SMIM3: variants seen among roughly 807,000 people sequenced by gnomAD.
SMIM3 encodes small integral membrane protein 3.
Under a neutral mutation model 2.1 loss-of-function variants are expected in SMIM3, and 4 were observed. The ratio of observed to expected loss-of-function variants is 1.89; its 90% CI spans 0.93 to 4.31. SMIM3 has a LOEUF of 4.31. Among genes scored for constraint, SMIM3 ranks in the 30% most tolerant of loss-of-function variants. SMIM3 has a pLI of 0.01. For synonymous variants in SMIM3, 29 were observed against 30.8 expected, an observed-to-expected ratio of 0.94 and a Z score of 0.19; for missense variants, 79 against 77.7, an observed-to-expected ratio of 1.02 and a Z score of -0.06.
At position 150,784,208 on chromosome 5, in the gene SMIM3, A is replaced by G. The variant is rs370696778; in HGVS notation, c.-12+5236A>G. On this transcript the variant is annotated intron_variant, in intron 1 of 1. Coordinates refer to ENST00000526627, the MANE Select transcript of SMIM3 (RefSeq NM_032947.5). Reference sequence around the variant, plus strand: ...CTCAGCTTAACTTCGTGAAGCCCTTACTGTGTACCAGACGTTGTCCTAAGT... The same window carrying G: ...CTCAGCTTAACTTCGTGAAGCCCTTGCTGTGTACCAGACGTTGTCCTAAGT... Among the ~76,000 whole-genome samples the G allele has an allele frequency of 2.0e-4, 30 of 152,190 alleles. No homozygotes were observed. The East Asian group carries it at 3.3e-3, about 17-fold the overall frequency.
intron 1 of SMIM3, among the ~76,000 whole-genome samples, chr5:150,794,379 G>A (rs1753380678): frequency 6.6e-6 from 1 of 152,154 alleles, no homozygotes; most frequent in South Asian, 2.1e-4. Context: ...CATGTTTATA[G>A]CAGCACAATT....
chr5:150,781,335 C>T (rs1391089208), intron 1 of SMIM3, among the ~76,000 whole-genome samples: 2 of 152,282 alleles, frequency 1.3e-5, no homozygotes, highest in African/African-American at 4.8e-5. Context: ...ATCCTTCCAA[C>T]TCACTAGGGA....
intron 1 of SMIM3, among the ~76,000 whole-genome samples, chr5:150,792,114 A>G (rs1753355314): frequency 6.6e-6 from 1 of 152,238 alleles, no homozygotes; most frequent in East Asian, 1.9e-4. Context: ...TATGGTGATC[A>G]ATACCTTACT....
intron 1 of SMIM3, among the ~76,000 whole-genome samples, chr5:150,788,920 G>A (rs79936408): frequency 0.015 from 2,223 of 152,176 alleles, 48 homozygotes; most frequent in African/African-American, 0.049. Context: ...GGTGGTTTCC[G>A]TGCAGTTTCT....
chr5:150,783,058 A>G (rs1753252835), intron 1 of SMIM3, among the ~76,000 whole-genome samples: 1 of 152,258 alleles, frequency 6.6e-6, no homozygotes, highest in South Asian at 2.1e-4. Context: ...TAAGAGTGAT[A>G]GTTTAACAGA....
intron 1 of SMIM3, among the ~76,000 whole-genome samples, chr5:150,794,010 G>A (rs1389905027): frequency 6.6e-6 from 1 of 152,092 alleles, no homozygotes; most frequent in Non-Finnish European, 1.5e-5. Flanking sequence ...AGTGGGCTAA[G>A]GACATGAACA....
At chr5:150,781,170 G>A (rs1753229357) in intron 1 of SMIM3, among the ~76,000 whole-genome samples, 1 of 152,184 alleles carries the variant, frequency 6.6e-6, no homozygotes, top group Non-Finnish European at 1.5e-5. Flanking sequence ...TTTGAACGCA[G>A]GCACCCTGGC....
rs967263273 is a variant in SMIM3, at chr5:150,778,770, A to G, written c.-214A>G. ...CCCAGCAGCCGCGCATTCCAGAGCC[A>G]GCAGCGCGTCCTGGCCGCTCCTGCG... On this transcript the variant is annotated 5_prime_UTR_variant, in exon 1 of 2. Coordinates refer to ENST00000526627, the MANE Select transcript of SMIM3 (RefSeq NM_032947.5). The G allele has an allele frequency of 2.2e-6, 1 of 457,500 alleles. No individual in the cohort carries two copies. The highest frequency in any genetic ancestry group is 2.0e-5 in the African/African-American group (1 of 49,634). 28.3% of individuals were successfully genotyped at this position (457,500 alleles called of 1,614,324 possible).
chr5:150,790,291 T>C (rs1361576775), intron 1 of SMIM3, among the ~76,000 whole-genome samples: 1 of 152,150 alleles, frequency 6.6e-6, no homozygotes, highest in Non-Finnish European at 1.5e-5. Flanking sequence ...CTTCCTGGCA[T>C]TTGAAGTCAG....
At chr5:150,793,986 G>C (rs9885541) in intron 1 of SMIM3, among the ~76,000 whole-genome samples, 26,394 of 151,824 alleles carry the variant, frequency 0.17, 3,057 homozygotes, top group East Asian at 0.63. Context: ...AAAAACCAAA[G>C]AATCCCATCA....
In SMIM3 at chr5:150,787,342, A is replaced by G. The variant is rs191955651; in HGVS notation, c.-11-8088A>G. Among the ~76,000 whole-genome samples the G allele has an allele frequency of 1.1e-3, 161 of 152,338 alleles. 1 individual carries two copies. Among genetic ancestry groups the G allele is most frequent in the Non-Finnish European group, 2.0e-3 (134 of 68,032 alleles). On this transcript the variant is annotated intron_variant, in intron 1 of 1. Transcript: ENST00000526627. ...TCCCACTTTTCTAGCTGTCTTCAGT[A>G]AAAGGACTAGTCCAAATTGTCTAGT...
At chr5:150,785,118 C>T (rs1378859298) in intron 1 of SMIM3, among the ~76,000 whole-genome samples, 6 of 117,546 alleles carry the variant, frequency 5.1e-5, no homozygotes, top group Admixed American at 2.3e-4. Context: ...GATGGAGTCT[C>T]GCGTTGTTGC....
At chr5:150,782,880 G>A (rs1753250631) in intron 1 of SMIM3, among the ~76,000 whole-genome samples, 1 of 152,168 alleles carries the variant, frequency 6.6e-6, no homozygotes, top group South Asian at 2.1e-4. Flanking sequence ...TAGGTGCTGA[G>A]GACACAGCAA....
intron 1 of SMIM3, among the ~76,000 whole-genome samples, chr5:150,784,776 T>C (rs1753272737): frequency 6.6e-6 from 1 of 152,192 alleles, no homozygotes; most frequent in Non-Finnish European, 1.5e-5. Context: ...CCTTGTTAGT[T>C]TGGGTTTAAA....
At chr5:150,792,556 A>G (rs753482466) in intron 1 of SMIM3, among the ~76,000 whole-genome samples, 2 of 152,136 alleles carry the variant, frequency 1.3e-5, no homozygotes, top group Non-Finnish European at 2.9e-5. Flanking sequence ...TATTTTTGAG[A>G]TAGGGTCTTG....
rs1324984727 is a variant in SMIM3 at position 150,789,593 on chromosome 5, T to C, written c.-11-5837T>C. On this transcript the variant is annotated intron_variant, in intron 1 of 1. Coordinates refer to ENST00000526627, the MANE Select transcript of SMIM3 (RefSeq NM_032947.5). ...AACTTGTGGCTTTCACACTATGTTCTGAGGAGCCCAGGGGGTCGAGGGGAA... is the reference window on the plus strand; with the variant it reads ...AACTTGTGGCTTTCACACTATGTTCCGAGGAGCCCAGGGGGTCGAGGGGAA... Among the ~76,000 whole-genome samples the C allele has an allele frequency of 2.0e-5, 3 of 152,132 alleles. No individual in the cohort carries two copies. In the East Asian group the frequency reaches 5.8e-4, roughly 29 times the overall value.
At chr5:150,785,575 CTTTTCTTTTTTTT>C (rs1330630777) in intron 1 of SMIM3, among the ~76,000 whole-genome samples, 1 of 88,250 alleles carries the variant, frequency 1.1e-5, no homozygotes, top group Non-Finnish European at 2.1e-5. Context: ...TACTATATTT[CTTTTCTTTTTTTT>C]TTTTTTTTTT....
chr5:150,788,871 C>A (rs1753320526), intron 1 of SMIM3, among the ~76,000 whole-genome samples: 1 of 152,006 alleles, frequency 6.6e-6, no homozygotes, highest in African/African-American at 2.4e-5. Flanking sequence ...GATGGGATGG[C>A]ATGTTTGGTG....
At chr5:150,785,727 C>T (rs1227967191) in intron 1 of SMIM3, among the ~76,000 whole-genome samples, 7 of 151,596 alleles carry the variant, frequency 4.6e-5, no homozygotes, top group Admixed American at 3.3e-4. Context: ...GGACTACAGA[C>T]GTGTGCCACA....
Sources: gnomAD v4.1 joint callset for allele counts (sites outside exome capture counted in the v4.1 genomes callset) on GRCh38, gnomAD v4.1.1 for gene constraint, MANE v1.5 for transcripts, NCBI Gene and HGNC (gene_info 2026-07-23, HGNC 2026-07-21) for gene names.